The following PRKD1 variants were observed in gnomAD, a reference collection of about 807,000 sequenced individuals.
PRKD1 encodes serine/threonine-protein kinase D1.
PRKD1 carries 63 observed loss-of-function variants against 95.9 expected under a neutral mutation model. That is an observed-to-expected ratio of 0.66 (90% CI 0.54 to 0.81). PRKD1 has a LOEUF of 0.81. PRKD1 is among the 30% of genes least tolerant of loss of function. The pLI is 0.00. For missense variants in PRKD1, 1,048 were observed against 1,165.3 expected, an observed-to-expected ratio of 0.90 and a Z score of 1.47; for synonymous variants, 425 against 423.1, an observed-to-expected ratio of 1.00 and a Z score of -0.05.
chr14:29,717,729 T>C (rs1885693272), intron 2 of PRKD1, among the ~76,000 whole-genome samples: 1 of 152,152 alleles, frequency 6.6e-6, no homozygotes. Context: ...TTTAAAAGTA[T>C]ACAGCATGAA....
intron 2 of PRKD1, among the ~76,000 whole-genome samples, chr14:29,670,673 C>T (rs1375467702): frequency 6.6e-6 from 1 of 152,042 alleles, no homozygotes; most frequent in Non-Finnish European, 1.5e-5. Flanking sequence ...TAAAACTAAG[C>T]TTGCACATGT....
chr14:29,751,152 G>A (rs1165157795), intron 1 of PRKD1: 1 of 152,092 alleles, frequency 6.6e-6, no homozygotes, highest in Non-Finnish European at 1.5e-5. Context: ...GCATGAGAGG[G>A]GACACTGACT....
At chr14:29,844,734 T>C (rs1892012963) in intron 1 of PRKD1, among the ~76,000 whole-genome samples, 1 of 152,194 alleles carries the variant, frequency 6.6e-6, no homozygotes. Flanking sequence ...GGAAGTTATT[T>C]TTCTTCCACA....
chr14:29,651,359 T>C (rs1881484592), intron 4 of PRKD1, among the ~76,000 whole-genome samples: 1 of 152,246 alleles, frequency 6.6e-6, no homozygotes, highest in Non-Finnish European at 1.5e-5. Context: ...TATTTGTTCA[T>C]AACTCCCTGA....
chr14:29,870,594 C>T (rs1893068944), intron 1 of PRKD1, among the ~76,000 whole-genome samples: 1 of 152,142 alleles, frequency 6.6e-6, no homozygotes, highest in Non-Finnish European at 1.5e-5. Context: ...CTGAACTACA[C>T]CTTGTAAAAA....
chr14:29,738,941 T>C (rs1354273786), intron 1 of PRKD1, among the ~76,000 whole-genome samples: 2 of 152,052 alleles, frequency 1.3e-5, no homozygotes, highest in Non-Finnish European at 2.9e-5. Flanking sequence ...AAGTGAGTGA[T>C]TCTTCTGCCT....
At chr14:29,776,292 G>A (rs1408422333) in intron 1 of PRKD1, among the ~76,000 whole-genome samples, 4 of 152,206 alleles carry the variant, frequency 2.6e-5, no homozygotes, top group South Asian at 2.1e-4. Context: ...AAAGCTGGAC[G>A]GAGAATGACT....
At chr14:29,639,666 A>C (rs1880632667) in intron 4 of PRKD1, among the ~76,000 whole-genome samples, 1 of 151,852 alleles carries the variant, frequency 6.6e-6, no homozygotes. Context: ...AAAAGAAAGA[A>C]AGAAAGAAAA....
chr14:29,750,098 A>G (rs1023232270), intron 1 of PRKD1, among the ~76,000 whole-genome samples: 2 of 152,188 alleles, frequency 1.3e-5, no homozygotes, highest in African/African-American at 4.8e-5. Flanking sequence ...ACTCCCTCAG[A>G]GGCAGGATCA....
intron 1 of PRKD1, among the ~76,000 whole-genome samples, chr14:29,754,620 T>C (rs749056203): frequency 2.6e-5 from 4 of 152,290 alleles, no homozygotes; most frequent in Admixed American, 6.5e-5. Context: ...CTTTATCATA[T>C]ATAAATTTTT....
intron 1 of PRKD1, among the ~76,000 whole-genome samples, chr14:29,909,964 C>G (rs1371221087): frequency 6.6e-6 from 1 of 152,092 alleles, no homozygotes; most frequent in Non-Finnish European, 1.5e-5. Flanking sequence ...CCAATCAGCT[C>G]TCTGTAAAAC....
chr14:29,608,161 C>G (rs570673276), intron 13 of PRKD1, among the ~76,000 whole-genome samples: 1 of 152,084 alleles, frequency 6.6e-6, no homozygotes, highest in Non-Finnish European at 1.5e-5. Flanking sequence ...TTTTTCACAC[C>G]TTGCTTTTTT....
At chr14:29,679,792 A>G (rs1883433264) in intron 2 of PRKD1, among the ~76,000 whole-genome samples, 1 of 149,616 alleles carries the variant, frequency 6.7e-6, no homozygotes, top group Admixed American at 6.7e-5. Flanking sequence ...CAGTGGTGCA[A>G]TCTTGGCTCA....
chr14:29,876,722 A>C (rs1328167754), intron 1 of PRKD1, among the ~76,000 whole-genome samples: 1 of 150,722 alleles, frequency 6.6e-6, no homozygotes, highest in African/African-American at 2.5e-5. Context: ...CAAACAAACA[A>C]AAAAAAACAA....
chr14:29,833,035 T>C (rs1026588255), intron 1 of PRKD1, among the ~76,000 whole-genome samples: 1 of 152,140 alleles, frequency 6.6e-6, no homozygotes, highest in Non-Finnish European at 1.5e-5. Context: ...ACAAGCTATA[T>C]ACACACTTGA....
intron 1 of PRKD1, among the ~76,000 whole-genome samples, chr14:29,795,130 TTG>T (rs1386647382): frequency 1.3e-4 from 20 of 152,234 alleles, no homozygotes; most frequent in African/African-American, 4.8e-4. Context: ...TTTTCATTCA[TTG>T]TCTAAATGAC....
intron 1 of PRKD1, among the ~76,000 whole-genome samples, chr14:29,822,862 A>T (rs1372546992): frequency 6.6e-6 from 1 of 152,202 alleles, no homozygotes; most frequent in Non-Finnish European, 1.5e-5. Context: ...CAACATTCTT[A>T]AAGGGATACC....
chr14:29,781,546 T>A (rs1390067496), intron 1 of PRKD1, among the ~76,000 whole-genome samples: 3 of 152,214 alleles, frequency 2.0e-5, no homozygotes, highest in Non-Finnish European at 2.9e-5. Flanking sequence ...ACCTGCTTCA[T>A]TGGATGAAAA....
chr14:29,891,911 T>C (rs1004030941), intron 1 of PRKD1, among the ~76,000 whole-genome samples: 2 of 152,184 alleles, frequency 1.3e-5, no homozygotes, highest in African/African-American at 4.8e-5. Context: ...TTACAACTTC[T>C]AAAAATTTTC....
Sources: gnomAD v4.1 joint callset for allele counts (sites outside exome capture counted in the v4.1 genomes callset) on GRCh38, gnomAD v4.1.1 for gene constraint, MANE v1.5 for transcripts, NCBI Gene and HGNC (gene_info 2026-07-23, HGNC 2026-07-21) for gene names.